The following KAZN variants were observed in gnomAD, a reference collection of about 807,000 sequenced individuals.
The protein encoded by KAZN is kazrin.
Under a neutral mutation model 87.4 loss-of-function variants are expected in KAZN, and 40 were observed. That is an observed-to-expected ratio of 0.46 (90% CI 0.36 to 0.60). The LOEUF (loss-of-function observed/expected upper bound fraction) is 0.60, where lower values mean the gene tolerates loss of function less well. Among genes scored for constraint, KAZN ranks in the 20% least tolerant of loss-of-function variants. The pLI is 0.00. For synonymous variants in KAZN, 466 were observed against 458.3 expected (o/e 1.02, Z -0.22); for missense variants, 898 against 1,073.9 (o/e 0.84, Z 2.29).
At chr1:14,257,919 T>A (rs1283762682) in intron 2 of KAZN, among the ~76,000 whole-genome samples, 93 of 113,934 alleles carry the variant, frequency 8.2e-4, no homozygotes, top group African/African-American at 3.2e-3. Context: ...AATGTGCACA[T>A]GTACCCTAAA....
intron 1 of KAZN, among the ~76,000 whole-genome samples, chr1:14,826,649 T>A (rs1360192562): frequency 6.6e-6 from 1 of 152,152 alleles, no homozygotes; most frequent in Admixed American, 6.5e-5. Context: ...ATGCCCCCAC[T>A]GAGACTGTTA....
chr1:14,200,021 A>G (rs1007385017), intron 2 of KAZN, among the ~76,000 whole-genome samples: 47 of 152,110 alleles, frequency 3.1e-4, no homozygotes, highest in African/African-American at 1.0e-3. Context: ...TTTGTATCAC[A>G]GATAAAAGTA....
chr1:14,211,100 C>CT (rs1646844199), intron 2 of KAZN, among the ~76,000 whole-genome samples: 2 of 152,146 alleles, frequency 1.3e-5, no homozygotes, highest in Admixed American at 6.5e-5. Context: ...TTATGGTGTT[C>CT]TATTCTAAGT....
chr1:14,718,452 G>A (rs6662845), intron 1 of KAZN, among the ~76,000 whole-genome samples: 3,009 of 152,256 alleles, frequency 0.02, 106 homozygotes, highest in African/African-American at 0.068. Context: ...GAGGGTTTCC[G>A]CATATCACAA....
chr1:14,349,877 C>T (rs1024908985), intron 2 of KAZN, among the ~76,000 whole-genome samples: 3 of 152,070 alleles, frequency 2.0e-5, no homozygotes, highest in Non-Finnish European at 1.5e-5. Flanking sequence ...TGGCTCACGC[C>T]TGTAATCCCA....
At chr1:14,722,070 T>C (rs563148061) in intron 1 of KAZN, among the ~76,000 whole-genome samples, 30 of 151,790 alleles carry the variant, frequency 2.0e-4, no homozygotes, top group Non-Finnish European at 3.7e-4. Flanking sequence ...TAGAATTGCT[T>C]GAACCCAGGA....
At chr1:14,511,849 G>A (rs534161946) in intron 2 of KAZN, among the ~76,000 whole-genome samples, 1 of 152,206 alleles carries the variant, frequency 6.6e-6, no homozygotes, top group Non-Finnish European at 1.5e-5. Context: ...GAAGAATTCA[G>A]AATGTTCTGG....
At chr1:14,156,218 A>G (rs1449821139) in intron 1 of KAZN, among the ~76,000 whole-genome samples, 1 of 152,004 alleles carries the variant, frequency 6.6e-6, no homozygotes, top group Non-Finnish European at 1.5e-5. Flanking sequence ...TATTATTTCA[A>G]TTTTTTGAAT....
intron 1 of KAZN, among the ~76,000 whole-genome samples, chr1:14,164,453 T>TC (rs1645775611): frequency 7.7e-6 from 1 of 130,108 alleles, no homozygotes; most frequent in African/African-American, 3.3e-5. Context: ...ACACTATGGC[T>TC]TTGTGTGTGT....
chr1:14,620,461 C>A (rs1678605168), intron 1 of KAZN, among the ~76,000 whole-genome samples: 2 of 152,220 alleles, frequency 1.3e-5, no homozygotes, highest in African/African-American at 4.8e-5. Flanking sequence ...CACATCTTCT[C>A]TGGGTGGCAA....
intron 1 of KAZN, among the ~76,000 whole-genome samples, chr1:13,925,492 T>C (rs1040717696): frequency 6.6e-6 from 1 of 152,096 alleles, no homozygotes; most frequent in Non-Finnish European, 1.5e-5. Context: ...ACCTGGGAGA[T>C]GGTGCTCCAG....
At chr1:14,264,684 T>C (rs563903576) in intron 2 of KAZN, among the ~76,000 whole-genome samples, 26 of 152,308 alleles carry the variant, frequency 1.7e-4, no homozygotes, top group Admixed American at 1.7e-3. Context: ...GAGAAGTAAA[T>C]TTGTTTTCCT....
At chr1:14,302,053 A>T (rs1354043551) in intron 2 of KAZN, among the ~76,000 whole-genome samples, 2 of 152,218 alleles carry the variant, frequency 1.3e-5, no homozygotes, top group Non-Finnish European at 2.9e-5. Context: ...AAGATCTGGC[A>T]CTTGGATACA....
chr1:14,329,847 T>C (rs1656718027), intron 2 of KAZN, among the ~76,000 whole-genome samples: 1 of 152,254 alleles, frequency 6.6e-6, no homozygotes, highest in African/African-American at 2.4e-5. Context: ...TCAGTAAGTG[T>C]TGGTCCCCCT....
chr1:14,341,409 TCAGG>T lies in KAZN; in HGVS notation c.249+160818_249+160821del, dbSNP rs1229449735. Among the ~76,000 whole-genome samples the T allele has an allele frequency of 2.0e-5, 3 of 152,168 alleles. No homozygotes were observed. In the East Asian group the frequency reaches 5.8e-4, roughly 29 times the overall value. ...AAGTCAGATCCTGCAGCTCCTGGGC[TCAGG>T]GTGCTGCAGTGGCTCCCAACGCACG... On this transcript the variant is annotated intron_variant, in intron 2 of 16. Transcript: ENST00000636203.
intron 2 of KAZN, among the ~76,000 whole-genome samples, chr1:14,493,979 G>C (rs149655527): frequency 2.0e-5 from 3 of 152,208 alleles, no homozygotes; most frequent in Non-Finnish European, 2.9e-5. Flanking sequence ...TTCTCTCCTA[G>C]GATGTTCTAT....
rs869100434 is a variant in KAZN at position 14,524,032 on chromosome 1, GT to G, written c.250-74946del. Among the ~76,000 whole-genome samples, 11 of 148,554 alleles carry G rather than the reference GT, an allele frequency of 7.4e-5. No homozygotes were observed. The East Asian group carries it at 1.7e-3, about 24-fold the overall frequency. ...GTTTTGTTTTGTTTTGTTTTGTTTT[GT>G]TTTTATGAGACAGAGTCTTGTTCTG... On this transcript the variant is annotated intron_variant, in intron 2 of 16. Coordinates refer to the KAZN transcript ENST00000636203.
In KAZN at chr1:13,929,047, C is replaced by CTTT. The variant is rs33984927; in HGVS notation, c.91+35312_91+35314dup. Among the ~76,000 whole-genome samples, 17 of 101,524 alleles carry CTTT rather than the reference C, an allele frequency of 1.7e-4. 1 individual carries two copies. Among genetic ancestry groups the CTTT allele is most frequent in the African/African-American group, 4.0e-4 (10 of 25,290 alleles). 66.6% of individuals were successfully genotyped at this position (101,524 alleles called of 152,430 possible). On this transcript the variant is annotated intron_variant, in intron 1 of 16. Coordinates refer to the KAZN transcript ENST00000636203. ...GCCAAGGTCTAGTTCAGCTTCAAGG[C>CTTT]TTTTTTTTTTTTTTTTTTTTTTTAA...
chr1:14,205,708 C>G (rs1283256669), intron 2 of KAZN, among the ~76,000 whole-genome samples: 1 of 151,526 alleles, frequency 6.6e-6, no homozygotes, highest in Admixed American at 6.6e-5. Flanking sequence ...CATGGTGAAA[C>G]CCCGTGTCTA....
Sources: gnomAD v4.1 joint callset for allele counts (sites outside exome capture counted in the v4.1 genomes callset) on GRCh38, gnomAD v4.1.1 for gene constraint, MANE v1.5 for transcripts, NCBI Gene and HGNC (gene_info 2026-07-23, HGNC 2026-07-21) for gene names.